ZNF569: variants seen among roughly 807,000 people sequenced by gnomAD.
The protein encoded by ZNF569 is zinc finger protein 569.
ZNF569 carries 38 observed loss-of-function variants against 56.3 expected under a neutral mutation model. The ratio of observed to expected loss-of-function variants is 0.68; its 90% CI spans 0.52 to 0.88. The LOEUF is 0.88. Ranked by LOEUF, ZNF569 falls within the 40% of genes least tolerant of loss-of-function variation. ZNF569 has a pLI of 0.00. For synonymous variants in ZNF569, 241 were observed against 262.9 expected (o/e 0.92, Z 0.81); for missense variants, 666 against 809.2 (o/e 0.82, Z 2.15).
chr19:37,441,386 T>G (rs1168722824), intron 3 of ZNF569, among the ~76,000 whole-genome samples: 1 of 152,172 alleles, frequency 6.6e-6, no homozygotes, highest in Non-Finnish European at 1.5e-5. Context: ...CTGGGCATAG[T>G]GGCTCATGCC....
chr19:37,418,130 AT>A (rs763673546), intron 5 of ZNF569, among the ~76,000 whole-genome samples: 7 of 148,754 alleles, frequency 4.7e-5, no homozygotes, highest in Non-Finnish European at 9.0e-5. Flanking sequence ...AATAATAATA[AT>A]AATAAAATAA....
In ZNF569 at chr19:37,413,236, G is replaced by A. The variant is rs367822764; in HGVS notation, c.1422C>T (p.Ala474=). 28 of 1,611,372 alleles carry A rather than the reference G, an allele frequency of 1.7e-5. 2 individuals are homozygous for A. The South Asian group carries it at 3.0e-4, about 17-fold the overall frequency. Residue 474 remains alanine (A), a synonymous_variant, in exon 6 of 6, where the codon GCC becomes GCT. Transcript: ENST00000316950. ...CAATGAGATTTGATTTCTGGCTAAA[G>A]GCTTTCCCACATTCCTTACATATAT... ...KPYICKECGK[A]FSQKSNLIAH... is the part of the protein sequence containing the mutation.
upstream of ZNF569, chr19:37,467,562 C>G (rs1474088822): frequency 2.7e-6 from 1 of 363,930 alleles, no homozygotes; most frequent in African/African-American, 2.1e-5. Context: ...GTGAAGGAAG[C>G]CCGGCTCAGT....
At chr19:37,434,164 G>T (rs573126467) in intron 3 of ZNF569, among the ~76,000 whole-genome samples, 1 of 152,082 alleles carries the variant, frequency 6.6e-6, no homozygotes, top group South Asian at 2.1e-4. Flanking sequence ...GCTAGGCATG[G>T]TGGCACATGC....
At chr19:37,455,093 C>G (rs1373567474) in intron 2 of ZNF569, 1 of 440,692 alleles carries the variant, frequency 2.3e-6, no homozygotes, top group African/African-American at 2.0e-5. Flanking sequence ...AACCCAAAGT[C>G]CCCTCATTAC....
intron 2 of ZNF569, among the ~76,000 whole-genome samples, chr19:37,458,527 C>G (rs573250023): frequency 6.6e-6 from 1 of 152,176 alleles, no homozygotes; most frequent in Admixed American, 6.6e-5. Flanking sequence ...ACAACTTTAT[C>G]ATTTGATTGG....
At chr19:37,456,961 C>T (rs1323143992) in intron 2 of ZNF569, among the ~76,000 whole-genome samples, 1 of 147,172 alleles carries the variant, frequency 6.8e-6, no homozygotes, top group Non-Finnish European at 1.5e-5. Context: ...GAGGGAGACA[C>T]CGTCTCAAAA....
At chr19:37,430,051 T>C (rs56917663) in intron 3 of ZNF569, among the ~76,000 whole-genome samples, 12,106 of 152,064 alleles carry the variant, frequency 0.08, 713 homozygotes, top group African/African-American at 0.17. Flanking sequence ...AGAAATCAGC[T>C]AGGTGTGGTG....
At chr19:37,417,381 C>T (rs963265850) in intron 5 of ZNF569, among the ~76,000 whole-genome samples, 5 of 152,168 alleles carry the variant, frequency 3.3e-5, no homozygotes, top group African/African-American at 9.7e-5. Flanking sequence ...CTACCTCAAC[C>T]TCCCAAGTAG....
At chr19:37,447,049 T>C (rs944256197) in intron 2 of ZNF569, among the ~76,000 whole-genome samples, 2 of 152,136 alleles carry the variant, frequency 1.3e-5, no homozygotes, top group Admixed American at 6.5e-5. Context: ...ATAACCACCA[T>C]ATGATACTTC....
At chr19:37,468,246 C>T (rs1006953585), upstream of ZNF569, among the ~76,000 whole-genome samples, 1 of 151,738 alleles carries the variant, frequency 6.6e-6, no homozygotes, top group African/African-American at 2.4e-5. Flanking sequence ...ACACTCCGCC[C>T]GGCTGATTTT....
intron 2 of ZNF569, among the ~76,000 whole-genome samples, chr19:37,452,085 T>C (rs961694317): frequency 1.3e-5 from 2 of 152,186 alleles, no homozygotes; most frequent in African/African-American, 4.8e-5. Context: ...GTAGCCTCTA[T>C]GGGTAATTTC....
chr19:37,434,700 C>T (rs575272984), intron 3 of ZNF569, among the ~76,000 whole-genome samples: 5 of 152,176 alleles, frequency 3.3e-5, no homozygotes, highest in South Asian at 2.1e-4. Context: ...CCTTAACTGA[C>T]GACATTCCAC....
At chr19:37,467,565 G>C, upstream of ZNF569, 1 of 369,070 alleles carries the variant, frequency 2.7e-6, no homozygotes. Context: ...AAGGAAGCCC[G>C]GCTCAGTGTG....
intron 2 of ZNF569, among the ~76,000 whole-genome samples, chr19:37,448,166 G>A (rs759676701): frequency 6.6e-6 from 1 of 152,120 alleles, no homozygotes; most frequent in South Asian, 2.1e-4. Flanking sequence ...AATTTCTTCC[G>A]TAGATGTTTA....
chr19:37,419,971 T>TTC (rs1473625300), intron 5 of ZNF569, among the ~76,000 whole-genome samples: 2 of 75,888 alleles, frequency 2.6e-5, no homozygotes, highest in African/African-American at 1.8e-4. Flanking sequence ...TTTTCTTTCT[T>TTC]TTTTTTTTTT....
chr19:37,447,463 C>T (rs1228947713), intron 2 of ZNF569, among the ~76,000 whole-genome samples: 1 of 152,136 alleles, frequency 6.6e-6, no homozygotes, highest in Non-Finnish European at 1.5e-5. Flanking sequence ...TAGAATATGA[C>T]ACATTAATTT....
chr19:37,467,903 T>G (rs887646202), upstream of ZNF569: 80 of 1,535,986 alleles, frequency 5.2e-5, no homozygotes, highest in Non-Finnish European at 6.5e-5. Flanking sequence ...GTGCATGTAT[T>G]TGTTCTTTCT....
At chr19:37,463,581 TTACTA>T (rs578035769) in intron 2 of ZNF569, among the ~76,000 whole-genome samples, 1 of 152,240 alleles carries the variant, frequency 6.6e-6, no homozygotes, top group Non-Finnish European at 1.5e-5. Flanking sequence ...CTTTATGTAT[TTACTA>T]TACTATACTT....
Sources: gnomAD v4.1 joint callset for allele counts (sites outside exome capture counted in the v4.1 genomes callset) on GRCh38, gnomAD v4.1.1 for gene constraint, MANE v1.5 for transcripts, NCBI Gene and HGNC (gene_info 2026-07-23, HGNC 2026-07-21) for gene names.